WARS2: variants seen among roughly 807,000 people sequenced by gnomAD.
WARS2 encodes the protein tryptophanyl tRNA synthetase 2, mitochondrial.
WARS2 carries 28 observed loss-of-function variants against 36.5 expected under a neutral mutation model. The ratio of observed to expected loss-of-function variants is 0.77; its 90% CI spans 0.57 to 1.05. WARS2 has a LOEUF of 1.05. Among genes scored for constraint, WARS2 ranks in the 50% least tolerant of loss-of-function variants. The pLI is 0.00. For synonymous variants in WARS2, 174 were observed against 178.4 expected, an observed-to-expected ratio of 0.98 and a Z score of 0.20; for missense variants, 435 against 456.8, an observed-to-expected ratio of 0.95 and a Z score of 0.44.
chr1:119,072,356 C>G (rs1651392373), intron 2 of WARS2, among the ~76,000 whole-genome samples: 1 of 152,144 alleles, frequency 6.6e-6, no homozygotes, highest in Non-Finnish European at 1.5e-5. Flanking sequence ...TGTGGGACAG[C>G]AGTTTATAGT....
At chr1:119,127,508 C>T (rs771616780) in intron 1 of WARS2, among the ~76,000 whole-genome samples, 3 of 152,126 alleles carry the variant, frequency 2.0e-5, no homozygotes, top group Non-Finnish European at 4.4e-5. Context: ...CAGAGAGGCT[C>T]AGTAACTTGC....
intron 2 of WARS2, among the ~76,000 whole-genome samples, chr1:119,056,807 A>G (rs1018484263): frequency 3.3e-5 from 5 of 152,056 alleles, no homozygotes; most frequent in African/African-American, 1.2e-4. Flanking sequence ...ATTATATAAT[A>G]TAAACTCTTA....
chr1:119,050,402 A>G (rs1192061012), intron 2 of WARS2, among the ~76,000 whole-genome samples: 1 of 152,082 alleles, frequency 6.6e-6, no homozygotes, highest in East Asian at 1.9e-4. Context: ...AATATACTTT[A>G]TGTTTGGCTT....
chr1:119,133,035 G>A (rs1429857817), intron 1 of WARS2, among the ~76,000 whole-genome samples: 1 of 152,162 alleles, frequency 6.6e-6, no homozygotes, highest in Non-Finnish European at 1.5e-5. Context: ...CCCTTGGTCA[G>A]CCATCAACTT....
At chr1:119,033,429 CACAG>C in intron 5 of WARS2, 70 bp from the exon 6 acceptor site, 5 of 1,573,148 alleles carry the variant, frequency 3.2e-6, no homozygotes, top group Non-Finnish European at 4.3e-6. Flanking sequence ...AAGATGTACA[CACAG>C]ACAGTTCCCA....
intron 3 of WARS2, among the ~76,000 whole-genome samples, chr1:119,043,552 T>G (rs1557937062): frequency 1.3e-5 from 2 of 152,212 alleles, no homozygotes; most frequent in Non-Finnish European, 2.9e-5. Flanking sequence ...CAACCAATGC[T>G]CTAGGCCATT....
chr1:119,138,698 T>A (rs1656693347), intron 1 of WARS2, among the ~76,000 whole-genome samples: 1 of 152,148 alleles, frequency 6.6e-6, no homozygotes, highest in African/African-American at 2.4e-5. Flanking sequence ...ACCACATTAA[T>A]CTTTCAAACC....
intron 4 of WARS2, among the ~76,000 whole-genome samples, chr1:119,035,922 T>C (rs1647844676): frequency 6.6e-6 from 1 of 152,160 alleles, no homozygotes; most frequent in Admixed American, 6.6e-5. Context: ...TAAGTGAATG[T>C]TGGCCAGGTG....
chr1:119,053,866 A>G (rs1649562702), intron 2 of WARS2, among the ~76,000 whole-genome samples: 1 of 152,000 alleles, frequency 6.6e-6, no homozygotes, highest in Non-Finnish European at 1.5e-5. Context: ...GCAACACAAG[A>G]AGGCCCCATC....
chr1:119,132,338 A>G (rs1343206037), intron 1 of WARS2, among the ~76,000 whole-genome samples: 3 of 152,098 alleles, frequency 2.0e-5, no homozygotes, highest in Admixed American at 1.3e-4. Flanking sequence ...CCATGGGAAA[A>G]GCCAAAGTTT....
chr1:119,107,479 G>C (rs377257661), intron 1 of WARS2, among the ~76,000 whole-genome samples: 1 of 152,014 alleles, frequency 6.6e-6, no homozygotes, highest in Admixed American at 6.6e-5. Context: ...GTCTAGATTC[G>C]TGTCTTTCAA....
chr1:119,109,919 G>T (rs1164670810), intron 1 of WARS2, among the ~76,000 whole-genome samples: 1 of 151,046 alleles, frequency 6.6e-6, no homozygotes, highest in Non-Finnish European at 1.5e-5. Context: ...TTTTCTACAT[G>T]ATTGCCCTAG....
rs188895719 is a variant in WARS2 at position 119,055,744 on chromosome 1, A to C, written c.349-10082T>G. The stretch of plus-strand genomic sequence containing the variant: ...AGGAGGAGGAGGAGAAGAGGGAGGG[A>C]GGGAGGAAGGAAGGAAGGAAAGAAA... On this transcript the variant is annotated intron_variant, in intron 2 of 5. Transcript: ENST00000235521. Among the ~76,000 whole-genome samples the C allele has an allele frequency of 1.0e-3, 155 of 150,988 alleles. 3 individuals carry two copies. The highest frequency in any genetic ancestry group is 3.9e-4 in the East Asian group (2 of 5,086).
intron 1 of WARS2, among the ~76,000 whole-genome samples, chr1:119,134,984 T>C (rs1219880482): frequency 1.3e-5 from 2 of 152,176 alleles, no homozygotes; most frequent in African/African-American, 2.4e-5. Context: ...AAGATCAGCA[T>C]GTTTGGCAGC....
intron 1 of WARS2, among the ~76,000 whole-genome samples, chr1:119,113,759 C>T (rs587662970): frequency 3.3e-5 from 5 of 152,188 alleles, no homozygotes; most frequent in Non-Finnish European, 7.4e-5. Flanking sequence ...TTCCAACACC[C>T]TATGCTTCTG....
At chr1:119,118,176 A>T (rs992958885) in intron 1 of WARS2, among the ~76,000 whole-genome samples, 10 of 152,086 alleles carry the variant, frequency 6.6e-5, no homozygotes, top group African/African-American at 1.9e-4. Flanking sequence ...AAATAAATTT[A>T]AAAAAATACA....
chr1:119,127,604 C>T (rs1252011350), intron 1 of WARS2, among the ~76,000 whole-genome samples: 1 of 152,178 alleles, frequency 6.6e-6, no homozygotes, highest in Non-Finnish European at 1.5e-5. Flanking sequence ...ACCCACTAAC[C>T]TATACCATCT....
chr1:119,039,984 T>C (rs1168470505), intron 4 of WARS2, among the ~76,000 whole-genome samples: 2 of 152,194 alleles, frequency 1.3e-5, no homozygotes, highest in African/African-American at 4.8e-5. Flanking sequence ...TCCAGAAATG[T>C]GTGGAACAAA....
intron 1 of WARS2, among the ~76,000 whole-genome samples, chr1:119,134,751 G>A (rs1265618950): frequency 6.6e-6 from 1 of 152,222 alleles, no homozygotes; most frequent in Non-Finnish European, 1.5e-5. Context: ...CAGTGTGGCT[G>A]AGCAGCTTCT....
Sources: gnomAD v4.1 joint callset for allele counts (sites outside exome capture counted in the v4.1 genomes callset) on GRCh38, gnomAD v4.1.1 for gene constraint, MANE v1.5 for transcripts, NCBI Gene and HGNC (gene_info 2026-07-23, HGNC 2026-07-21) for gene names.